Variants in CCDC50 observed in about 807,000 individuals in gnomAD.
CCDC50 encodes coiled-coil domain containing 50.
A neutral mutation model predicts 70.2 loss-of-function variants in CCDC50; 54 were observed. The ratio of observed to expected loss-of-function variants is 0.77; its 90% CI spans 0.62 to 0.96. The LOEUF (loss-of-function observed/expected upper bound fraction) is 0.96. Among genes scored for constraint, CCDC50 ranks in the 50% least tolerant of loss-of-function variants. CCDC50 has a pLI of 0.00. For missense variants in CCDC50, 558 were observed against 578.7 expected, an observed-to-expected ratio of 0.96 and a Z score of 0.37; for synonymous variants, 216 against 198.8, an observed-to-expected ratio of 1.09 and a Z score of -0.73.
In CCDC50 at chr3:191,380,925, A is replaced by G; in HGVS notation, c.1235A>G (p.Glu412Gly). The change falls in exon 9 of 12, where the codon GAG becomes GGG. Residue 412 changes from glutamate to glycine, a missense_variant. Glu to Gly is a moderately conservative substitution (Grantham distance 98). Coordinates refer to ENST00000392455, the MANE Select transcript of CCDC50 (RefSeq NM_178335.3). ...SSLDKRKQDPEWKPKTAKAAN... is the reference protein window; with the variant it reads ...SSLDKRKQDPGWKPKTAKAAN... ...TTGGACAAAAGAAAGCAAGACCCCG[A>G]GTGGAAGGTAGAGTGTGTTTTGTTT... 5 of 1,611,424 alleles carry G rather than the reference A, an allele frequency of 3.1e-6. No individual in the cohort carries two copies. The highest frequency in any genetic ancestry group is 4.2e-6 in the Non-Finnish European group (5 of 1,178,210).
At chr3:191,351,982 AT>A (rs1712121149) in intron 1 of CCDC50, among the ~76,000 whole-genome samples, 1 of 141,304 alleles carries the variant, frequency 7.1e-6, no homozygotes, top group African/African-American at 2.5e-5. Context: ...CTTGAGATAC[AT>A]TTCGTGTTAA....
At chr3:191,371,932 T>C (rs911824019) in intron 5 of CCDC50, among the ~76,000 whole-genome samples, 16 of 152,330 alleles carry the variant, frequency 1.1e-4, no homozygotes, top group African/African-American at 3.1e-4. Flanking sequence ...TTCCCTTTTT[T>C]AAAAAGTCTG....
intron 10 of CCDC50, among the ~76,000 whole-genome samples, chr3:191,386,519 C>G (rs1713502781): frequency 6.6e-6 from 1 of 152,186 alleles, no homozygotes; most frequent in Non-Finnish European, 1.5e-5. Flanking sequence ...GCCACCGCGC[C>G]TGACCTGGAC....
chr3:191,329,803 T>A, intron 1 of CCDC50, 80 bp downstream of exon 1: 1 of 1,479,972 alleles, frequency 6.8e-7, no homozygotes, highest in Non-Finnish European at 9.2e-7. Context: ...GCGTTGCCAT[T>A]TCGGCTCCCG....
chr3:191,331,896 A>G (rs1482676966), intron 1 of CCDC50, among the ~76,000 whole-genome samples: 2 of 152,184 alleles, frequency 1.3e-5, no homozygotes, highest in Non-Finnish European at 1.5e-5. Context: ...TTCATTTGAG[A>G]AGGGTTAGTA....
At position 191,351,543 on chromosome 3, in the gene CCDC50, G is replaced by A. The variant is rs1006898662; in HGVS notation, c.50-5545G>A. On this transcript the variant is annotated intron_variant, in intron 1 of 11. Coordinates refer to ENST00000392455, the MANE Select transcript of CCDC50 (RefSeq NM_178335.3). Reference sequence around the variant, plus strand: ...GTTATTGGTAGGGAATTGGGGAGTGGGCTGTGTCTGGAGCTGGAGGGGTAA... The same window carrying A: ...GTTATTGGTAGGGAATTGGGGAGTGAGCTGTGTCTGGAGCTGGAGGGGTAA... Among the ~76,000 whole-genome samples, 6 of 141,282 alleles carry A rather than the reference G, an allele frequency of 4.2e-5. 1 individual carries two copies. Among genetic ancestry groups the A allele is most frequent in the Admixed American group, 1.5e-4 (2 of 13,650 alleles). The allele number at this position is 141,282 out of a possible 152,430, so 92.7% of individuals were successfully genotyped here.
At chr3:191,334,852 T>TATC (rs1392813647) in intron 1 of CCDC50, among the ~76,000 whole-genome samples, 5 of 152,204 alleles carry the variant, frequency 3.3e-5, no homozygotes, top group African/African-American at 1.2e-4. Flanking sequence ...AAGGATAATG[T>TATC]ATCATATGGA....
intron 1 of CCDC50, among the ~76,000 whole-genome samples, chr3:191,330,152 G>A (rs1717917798): frequency 6.6e-6 from 1 of 151,948 alleles, no homozygotes; most frequent in Non-Finnish European, 1.5e-5. Flanking sequence ...TTTGAAACAT[G>A]ACTCTTTCCC....
chr3:191,332,910 C>T (rs1241986135), intron 1 of CCDC50, among the ~76,000 whole-genome samples: 1 of 152,204 alleles, frequency 6.6e-6, no homozygotes, highest in African/African-American at 2.4e-5. Context: ...GGCGTTTCAT[C>T]AACTTCTTTG....
At chr3:191,385,932 A>G (rs427052) in intron 10 of CCDC50, among the ~76,000 whole-genome samples, 150,237 of 152,152 alleles carry the variant, frequency 0.99, 74,172 homozygotes, top group Middle Eastern at 1. Context: ...TCCCTTTGTT[A>G]TAGGTGTGCA....
intron 9 of CCDC50, among the ~76,000 whole-genome samples, chr3:191,382,460 GT>G (rs1713352210): frequency 6.6e-6 from 1 of 152,122 alleles, no homozygotes; most frequent in African/African-American, 2.4e-5. Flanking sequence ...GTTCCTGTGT[GT>G]TCAGCCCATT....
In CCDC50 at chr3:191,391,094, A is replaced by G. The variant is rs556194962; in HGVS notation, c.1430-647A>G. Among the ~76,000 whole-genome samples the G allele has an allele frequency of 3.4e-5, 5 of 148,740 alleles. No homozygotes were observed. The South Asian group carries it at 1.0e-3, about 31-fold the overall frequency. ...TTAAATATGTGAAAGAATTTTGCAC[A>G]GTGCAGTAGACTTTGCAAATATATT... is the stretch of plus-strand genomic sequence containing the variant. On this transcript the variant is annotated intron_variant, in intron 11 of 11. Transcript: ENST00000392455.
intron 2 of CCDC50, 134 bp from the exon 3 acceptor site, chr3:191,357,864 A>G (rs1000676668): frequency 9.3e-7 from 1 of 1,075,642 alleles, no homozygotes; most frequent in Non-Finnish European, 1.4e-6. Context: ...TTTATTATAT[A>G]TTGTTGTTGA....
intron 5 of CCDC50, among the ~76,000 whole-genome samples, chr3:191,374,814 G>A (rs1285254238): frequency 6.6e-6 from 1 of 152,076 alleles, no homozygotes; most frequent in African/African-American, 2.4e-5. Flanking sequence ...TCGTGATCAA[G>A]CTCTTCTTTC....
chr3:191,361,105 G>C lies in CCDC50; in HGVS notation c.276G>C (p.Gln92His). 6.2e-7 allele frequency: 1 copy of C among 1,613,864 alleles called. No individual in the cohort carries two copies. The highest frequency in any genetic ancestry group is 8.5e-7 in the Non-Finnish European group (1 of 1,179,814). ...ACTGTGAAATTGCTCAGGAAATTCAGGAGAAGCTGGCTATTGAGGCAGAGA... is the reference window on the plus strand; with the variant it reads ...ACTGTGAAATTGCTCAGGAAATTCACGAGAAGCTGGCTATTGAGGCAGAGA... ...QQDCEIAQEI[Q>H]EKLAIEAERR... The change falls in exon 4 of 12, where the codon CAG (glutamine) becomes CAC (histidine). Residue 92 changes from glutamine to histidine, a missense_variant. Transcript: ENST00000392455.
Position 191,382,785 on chromosome 3 carries a change from A to C in CCDC50, c.1282A>C (p.Ser428Arg). 6.2e-7 allele frequency: 1 copy of C among 1,613,196 alleles called. No individual in the cohort carries two copies. The highest frequency in any genetic ancestry group is 8.5e-7 in the Non-Finnish European group (1 of 1,179,308). Reference sequence around the variant, plus strand: ...AGCAGCAAATTCCAAGTCAAAAGAGAGTGATGAACCTCACCATTCTAAGAA... The same window carrying C: ...AGCAGCAAATTCCAAGTCAAAAGAGCGTGATGAACCTCACCATTCTAAGAA... ...AKAANSKSKESDEPHHSKNER... is the reference protein window; with the variant it reads ...AKAANSKSKERDEPHHSKNER... Residue 428 changes from serine (S) to arginine (R), a missense_variant, in exon 10 of 12, where the codon AGT (serine) becomes CGT (arginine). By Grantham distance (110) the Ser-to-Arg change is moderately radical. Transcript: ENST00000392455.
intron 6 of CCDC50, among the ~76,000 whole-genome samples, chr3:191,376,052 A>G (rs1713102689): frequency 6.6e-6 from 1 of 152,172 alleles, no homozygotes; most frequent in Non-Finnish European, 1.5e-5. Context: ...CTCATTTGTA[A>G]AATGAGGAGT....
intron 1 of CCDC50, among the ~76,000 whole-genome samples, chr3:191,337,462 A>C (rs1231653964): frequency 6.6e-6 from 1 of 151,582 alleles, no homozygotes; most frequent in South Asian, 2.1e-4. Flanking sequence ...CTCCTGCCTC[A>C]GCCTCCCGAG....
chr3:191,340,690 T>C (rs1711690416), intron 1 of CCDC50, among the ~76,000 whole-genome samples: 1 of 152,230 alleles, frequency 6.6e-6, no homozygotes, highest in Non-Finnish European at 1.5e-5. Flanking sequence ...TTTTAGACAT[T>C]CTGATTTCCC....
Sources: allele counts gnomAD v4.1 joint callset (sites outside exome capture counted in the v4.1 genomes callset), GRCh38; gene constraint gnomAD v4.1.1; transcripts MANE v1.5; gene names NCBI Gene and HGNC (gene_info 2026-07-23, HGNC 2026-07-21).